SLC7A11: variants seen among roughly 807,000 people sequenced by gnomAD.
SLC7A11 encodes the protein solute carrier family 7 member 11, also known as cystine/glutamate transporter.
A neutral mutation model predicts 54.5 loss-of-function variants in SLC7A11; 35 were observed. That is an observed-to-expected ratio of 0.64 (90% CI 0.49 to 0.85). The LOEUF (loss-of-function observed/expected upper bound fraction) is 0.85, where lower values mean the gene tolerates loss of function less well. Ranked by LOEUF, SLC7A11 falls within the 40% of genes least tolerant of loss-of-function variation. The pLI is 0.00. For synonymous variants in SLC7A11, 230 were observed against 225.2 expected, an observed-to-expected ratio of 1.02 and a Z score of -0.19; for missense variants, 583 against 618.1, an observed-to-expected ratio of 0.94 and a Z score of 0.60.
chr4:138,232,400 T>C lies in SLC7A11; in HGVS notation c.405-18A>G, dbSNP rs1222983840. 3 of 1,439,922 alleles carry C rather than the reference T, an allele frequency of 2.1e-6. No homozygotes were observed. The highest frequency in any genetic ancestry group is 1.9e-6 in the Non-Finnish European group (2 of 1,026,248). The allele number at this position is 1,439,922 out of a possible 1,614,324, so 89.2% of individuals were successfully genotyped here. Reference sequence around the variant, plus strand: ...CTGCAGGGCTAAAAAAAAATGTATATATTTAGGTTAACCACAGGGGAAAAA... The same window carrying C: ...CTGCAGGGCTAAAAAAAAATGTATACATTTAGGTTAACCACAGGGGAAAAA... On this transcript the variant is annotated intron_variant, in intron 2 of 11. Coordinates refer to ENST00000280612, the MANE Select transcript of SLC7A11 (RefSeq NM_014331.4).
Position 138,170,229 on chromosome 4 carries a change from A to ATATATATATAT in SLC7A11, c.*1726_*1727insATATATATATA, listed in dbSNP as rs1491323495. 1 of 111,620 alleles carries ATATATATATAT rather than the reference A, an allele frequency of 9.0e-6. No homozygotes were observed. The highest frequency in any genetic ancestry group is 1.8e-5 in the Non-Finnish European group (1 of 54,732). 6.9% of individuals were successfully genotyped at this position (111,620 alleles called of 1,614,324 possible). A position where few individuals can be genotyped will look rare whatever the true frequency, so the allele number is the denominator to read the frequency against. ...ACTATATATATATATATATATATATAAAAAGTGTGTGTGTGTGTGTGTATA... is the reference window on the plus strand; with the variant it reads ...ACTATATATATATATATATATATATATATATATATATAAAAGTGTGTGTGTGTGTGTGTATA... On this transcript the variant is annotated 3_prime_UTR_variant, in exon 12 of 12. Transcript: ENST00000280612.
chr4:138,171,305 T>G lies in SLC7A11; in HGVS notation c.*651A>C, dbSNP rs373211015. On this transcript the variant is annotated 3_prime_UTR_variant, in exon 12 of 12. Transcript: ENST00000280612. ...TAATAAATTCTCAAGGATTTTTACT[T>G]AAACATAACTCCTGGATGTGTCTCA... The G allele has an allele frequency of 3.9e-5, 6 of 152,134 alleles. No homozygotes were observed. The East Asian group carries it at 1.2e-3, about 29-fold the overall frequency. The allele number at this position is 152,134 out of a possible 1,614,324, so 9.4% of individuals were successfully genotyped here.
chr4:138,171,176 CT>C lies in SLC7A11; in HGVS notation c.*779del, dbSNP rs1736415847. ...ATGAGGATTTAATACCAAACTAACTCTTGCTCTAAGATGTGTTATACACTTT... is the reference window on the plus strand; with the variant it reads ...ATGAGGATTTAATACCAAACTAACTCTGCTCTAAGATGTGTTATACACTTT... On this transcript the variant is annotated 3_prime_UTR_variant, in exon 12 of 12. Coordinates refer to ENST00000280612, the MANE Select transcript of SLC7A11 (RefSeq NM_014331.4). 1 of 151,910 alleles carries C rather than the reference CT, an allele frequency of 6.6e-6. No individual in the cohort carries two copies. Among genetic ancestry groups the C allele is most frequent in the Admixed American group, 6.6e-5 (1 of 15,238 alleles). 9.4% of individuals were successfully genotyped at this position (151,910 alleles called of 1,614,324 possible).
chr4:138,185,086 A>G (rs776570168), intron 7 of SLC7A11, 35 bp downstream of exon 7: 1 of 1,610,862 alleles, frequency 6.2e-7, no homozygotes, highest in Admixed American at 1.7e-5. Context: ...TCATTAACCT[A>G]AATTCCAATT....
intron 11 of SLC7A11, chr4:138,176,763 G>T (rs35551178): frequency 0.47 from 71,629 of 151,898 alleles, 17,706 homozygotes; most frequent in East Asian, 0.57. Context: ...AACTGTCTTG[G>T]TTAGTATGGG....
intron 3 of SLC7A11, among the ~76,000 whole-genome samples, chr4:138,230,358 A>G (rs1351474341): frequency 6.6e-6 from 1 of 151,530 alleles, no homozygotes; most frequent in Non-Finnish European, 1.5e-5. Context: ...CCCCCATGAC[A>G]CGAGTTTACC....
chr4:138,216,479 T>C (rs1222817538), intron 5 of SLC7A11, among the ~76,000 whole-genome samples: 1 of 152,170 alleles, frequency 6.6e-6, no homozygotes, highest in African/African-American at 2.4e-5. Context: ...GGCAGATGTA[T>C]TTCTCTGAAC....
intron 6 of SLC7A11, among the ~76,000 whole-genome samples, chr4:138,187,088 A>G (rs1736898959): frequency 6.6e-6 from 1 of 152,202 alleles, no homozygotes; most frequent in Non-Finnish European, 1.5e-5. Context: ...GCAAAATAGC[A>G]GAAAGAAGTA....
chr4:138,239,442 G>A (rs1738325021), intron 1 of SLC7A11, among the ~76,000 whole-genome samples: 1 of 152,032 alleles, frequency 6.6e-6, no homozygotes, highest in African/African-American at 2.4e-5. Flanking sequence ...CTTTACAGTT[G>A]GTCCCAAAGT....
chr4:138,188,882 T>G (rs778606285), intron 6 of SLC7A11, among the ~76,000 whole-genome samples: 1 of 152,218 alleles, frequency 6.6e-6, no homozygotes, highest in Admixed American at 6.5e-5. Flanking sequence ...TGTTAGTACA[T>G]GTTTGTTATG....
At chr4:138,217,352 AG>A (rs1737704673) in intron 5 of SLC7A11, among the ~76,000 whole-genome samples, 1 of 152,238 alleles carries the variant, frequency 6.6e-6, no homozygotes, top group Admixed American at 6.5e-5. Flanking sequence ...GTATTAAAAA[AG>A]ATTCATGTAA....
At position 138,164,581 on chromosome 4, in the gene SLC7A11, T is replaced by G. The variant is rs1317510041; in HGVS notation, c.*7375A>C. On this transcript the variant is annotated 3_prime_UTR_variant, in exon 12 of 12. Coordinates refer to ENST00000280612, the MANE Select transcript of SLC7A11 (RefSeq NM_014331.4). ...ATAAATATCTTAGTTCTAATATGAT[T>G]GGAATGTGGATGCAGAAATAAAATG... The G allele has an allele frequency of 1.3e-5, 2 of 152,196 alleles. No individual in the cohort carries two copies. The highest frequency in any genetic ancestry group is 2.9e-5 in the Non-Finnish European group (2 of 68,006). The allele number at this position is 152,196 out of a possible 1,614,324, so 9.4% of individuals were successfully genotyped here.
In SLC7A11 at chr4:138,230,054, T is replaced by G. The variant is rs573663041; in HGVS notation, c.520+2213A>C. On this transcript the variant is annotated intron_variant, in intron 3 of 11. Coordinates refer to ENST00000280612, the MANE Select transcript of SLC7A11 (RefSeq NM_014331.4). The stretch of plus-strand genomic sequence containing the variant: ...CAGTGGACTTATCAAGAACTTTCTA[T>G]AGGCAAGGCACTCTGTTAAAGGTCT... Among the ~76,000 whole-genome samples the G allele has an allele frequency of 2.7e-4, 41 of 152,320 alleles. No homozygotes were observed. The South Asian group carries it at 7.7e-3, about 28-fold the overall frequency.
chr4:138,235,231 G>T (rs1204917553), intron 2 of SLC7A11, among the ~76,000 whole-genome samples: 1 of 152,030 alleles, frequency 6.6e-6, no homozygotes, highest in Non-Finnish European at 1.5e-5. Context: ...GACCTTTGAA[G>T]AGCAGATAAG....
At chr4:138,207,478 G>T (rs1737436740) in intron 6 of SLC7A11, among the ~76,000 whole-genome samples, 1 of 152,092 alleles carries the variant, frequency 6.6e-6, no homozygotes, top group Non-Finnish European at 1.5e-5. Context: ...GCTGAGGCAG[G>T]TGGATCACTT....
At chr4:138,188,599 G>A (rs145551270) in intron 6 of SLC7A11, among the ~76,000 whole-genome samples, 1 of 152,154 alleles carries the variant, frequency 6.6e-6, no homozygotes, top group Non-Finnish European at 1.5e-5. Context: ...GAGCCACTGG[G>A]TGAACTGATA....
At chr4:138,189,918 G>A (rs537001963) in intron 6 of SLC7A11, among the ~76,000 whole-genome samples, 5 of 152,270 alleles carry the variant, frequency 3.3e-5, no homozygotes, top group African/African-American at 1.2e-4. Context: ...CAGCCCACAT[G>A]AGTGGTCTGA....
Position 138,183,127 on chromosome 4 carries a change from C to G in SLC7A11, c.1019+75G>C. ...CAGGTTTGGAGGCACTATTTCTTTT[C>G]TTTTTAAAGTTATCCTTATCACATC... On this transcript the variant is annotated intron_variant, in intron 8 of 11. Coordinates refer to ENST00000280612, the MANE Select transcript of SLC7A11 (RefSeq NM_014331.4). 3 of 1,052,574 alleles carry G rather than the reference C, an allele frequency of 2.9e-6. No individual in the cohort carries two copies. The South Asian group carries it at 4.2e-5, about 15-fold the overall frequency. The allele number at this position is 1,052,574 out of a possible 1,614,324, so 65.2% of individuals were successfully genotyped here.
chr4:138,200,641 TTATAAA>T (rs1560726919), intron 6 of SLC7A11, among the ~76,000 whole-genome samples: 1 of 152,154 alleles, frequency 6.6e-6, no homozygotes, highest in Admixed American at 6.6e-5. Context: ...GGATTTTAAC[TTATAAA>T]TATAGACAAA....
Sources: allele counts gnomAD v4.1 joint callset (sites outside exome capture counted in the v4.1 genomes callset), GRCh38; gene constraint gnomAD v4.1.1; transcripts MANE v1.5; gene names NCBI Gene and HGNC (gene_info 2026-07-23, HGNC 2026-07-21).